The following SYTL2 variants were observed in gnomAD, a reference collection of about 807,000 sequenced individuals.
The protein encoded by SYTL2 is synaptotagmin-like protein 2.
SYTL2 carries 165 observed loss-of-function variants against 198.7 expected under a neutral mutation model. That is an observed-to-expected ratio of 0.83 (90% CI 0.73 to 0.94). The LOEUF is 0.94. SYTL2 is among the 40% of genes least tolerant of loss of function. The pLI is 0.00. For missense variants in SYTL2, 2,835 were observed against 2,582.8 expected (o/e 1.10, Z -2.12); for synonymous variants, 966 against 917.7 (o/e 1.05, Z -0.95).
intron 1 of SYTL2, among the ~76,000 whole-genome samples, chr11:85,801,770 C>T (rs2092890669): frequency 1.3e-5 from 2 of 152,160 alleles, no homozygotes; most frequent in South Asian, 4.2e-4. Context: ...AGCAGCGCCA[C>T]CAACCATAAT....
intron 9 of SYTL2, chr11:85,719,320 G>C (rs774552208): frequency 4.8e-4 from 549 of 1,155,574 alleles, no homozygotes; most frequent in South Asian, 1.1e-3. Flanking sequence ...GCTGCTAAGT[G>C]GAATCTTGGC....
At chr11:85,750,606 A>G (rs2091453827) in intron 2 of SYTL2, among the ~76,000 whole-genome samples, 1 of 152,110 alleles carries the variant, frequency 6.6e-6, no homozygotes, top group Non-Finnish European at 1.5e-5. Flanking sequence ...CTATGTCTTA[A>G]CCACCTTTGT....
At chr11:85,776,692 T>C (rs1310493476) in intron 1 of SYTL2, among the ~76,000 whole-genome samples, 2 of 152,232 alleles carry the variant, frequency 1.3e-5, no homozygotes, top group Non-Finnish European at 2.9e-5. Flanking sequence ...CTATTGTGAA[T>C]AGTGATGCAA....
intron 1 of SYTL2, among the ~76,000 whole-genome samples, chr11:85,759,063 G>A (rs1217504379): frequency 3.9e-5 from 6 of 152,114 alleles, no homozygotes; most frequent in Non-Finnish European, 4.4e-5. Context: ...TGACCAACAT[G>A]GTGAAACCCC....
chr11:85,785,235 G>A (rs2092618341), intron 1 of SYTL2, among the ~76,000 whole-genome samples: 2 of 152,098 alleles, frequency 1.3e-5, no homozygotes, highest in Non-Finnish European at 2.9e-5. Context: ...CAGGATAAAG[G>A]TTTTTGTAAT....
the SYTL2 span, among the ~76,000 whole-genome samples, chr11:85,830,017 C>G: frequency 6.6e-6 from 1 of 152,164 alleles, no homozygotes; most frequent in South Asian, 2.1e-4. Context: ...AGACCAGAAA[C>G]CAAACAGTTC....
At chr11:85,787,685 G>A (rs978434870) in intron 1 of SYTL2, among the ~76,000 whole-genome samples, 1 of 96,232 alleles carries the variant, frequency 1.0e-5, no homozygotes, top group African/African-American at 3.5e-5. Context: ...TCTTTTTTCT[G>A]TTTTTTTTTC....
intron 1 of SYTL2, among the ~76,000 whole-genome samples, chr11:85,785,730 G>A (rs2092625991): frequency 6.6e-6 from 1 of 152,132 alleles, no homozygotes; most frequent in South Asian, 2.1e-4. Context: ...CTCCAAAGAA[G>A]CTACATATTA....
At chr11:85,779,215 A>T (rs1290953490) in intron 1 of SYTL2, among the ~76,000 whole-genome samples, 1 of 152,158 alleles carries the variant, frequency 6.6e-6, no homozygotes, top group Non-Finnish European at 1.5e-5. Flanking sequence ...CCTCATCCCC[A>T]GGTAGTAAAA....
At chr11:85,710,309 T>C (rs992125146) in intron 13 of SYTL2, among the ~76,000 whole-genome samples, 1 of 152,218 alleles carries the variant, frequency 6.6e-6, no homozygotes, top group Non-Finnish European at 1.5e-5. Flanking sequence ...AAATGGATGA[T>C]TGATGAAGGG....
the SYTL2 span, among the ~76,000 whole-genome samples, chr11:85,848,506 T>TC: frequency 6.6e-6 from 1 of 152,130 alleles, no homozygotes; most frequent in African/African-American, 2.4e-5. Context: ...ATTTTTTTTT[T>TC]CCAAATAGAT....
At chr11:85,778,234 T>A (rs1365590217) in intron 1 of SYTL2, among the ~76,000 whole-genome samples, 1 of 152,198 alleles carries the variant, frequency 6.6e-6, no homozygotes, top group African/African-American at 2.4e-5. Flanking sequence ...GTGTAATTCA[T>A]ACAATGTAGG....
rs1376390921 is a variant in SYTL2, at chr11:85,696,219, G to A, written c.6538C>T (p.Gln2180Ter). The change falls in exon 19 of 20, where the codon CAA becomes TAA. Residue 2180 changes from glutamine to a stop codon, truncating the protein, a stop_gained. Transcript: ENST00000359152. LOFTEE classifies it high-confidence loss of function. Reference protein sequence around the residue: ...TVWDHYKLTNQFLGGLRIGFG... With the variant: ...TVWDHYKLTN ...CCAATACGAAGACCTCCCAAAAATTGGTTGGTTAATTTGTAATGGTCCCAG... is the reference window on the plus strand; with the variant it reads ...CCAATACGAAGACCTCCCAAAAATTAGTTGGTTAATTTGTAATGGTCCCAG... 5.0e-6 allele frequency: 8 copies of A among 1,613,930 alleles called. No homozygotes were observed. The highest frequency in any genetic ancestry group is 5.9e-6 in the Non-Finnish European group (7 of 1,180,002).
At chr11:85,801,114 T>C (rs2374683) in intron 1 of SYTL2, among the ~76,000 whole-genome samples, 68,054 of 152,074 alleles carry the variant, frequency 0.45, 15,951 homozygotes, top group African/African-American at 0.58. Flanking sequence ...GATAGTTTTG[T>C]AGTCTGAGCC....
intron 8 of SYTL2, among the ~76,000 whole-genome samples, chr11:85,723,442 G>A (rs927762063): frequency 3.9e-5 from 6 of 152,176 alleles, no homozygotes; most frequent in African/African-American, 1.4e-4. Context: ...GGAAAGTTCC[G>A]GCCTTGTATT....
chr11:85,831,989 C>T, the SYTL2 span, among the ~76,000 whole-genome samples: 1 of 149,960 alleles, frequency 6.7e-6, no homozygotes, highest in Non-Finnish European at 1.5e-5. Context: ...TTTTAAATGA[C>T]AATTTCTGGA....
intron 12 of SYTL2, among the ~76,000 whole-genome samples, chr11:85,714,020 G>A (rs535225333): frequency 8.3e-4 from 126 of 152,314 alleles, no homozygotes; most frequent in African/African-American, 2.9e-3. Flanking sequence ...AGCTTGATGT[G>A]TCATTGTTAC....
At chr11:85,786,901 C>T (rs1038534834) in intron 1 of SYTL2, among the ~76,000 whole-genome samples, 5 of 152,226 alleles carry the variant, frequency 3.3e-5, no homozygotes, top group African/African-American at 9.7e-5. Context: ...GATACCCTCT[C>T]AGTGCCTAGC....
chr11:85,697,469 T>C (rs1244205011), intron 18 of SYTL2, among the ~76,000 whole-genome samples: 1 of 152,238 alleles, frequency 6.6e-6, no homozygotes, highest in Non-Finnish European at 1.5e-5. Flanking sequence ...CCAGTCACTT[T>C]ATATGTATAA....
Sources: gnomAD v4.1 joint callset for allele counts (sites outside exome capture counted in the v4.1 genomes callset) on GRCh38, gnomAD v4.1.1 for gene constraint, MANE v1.5 for transcripts, NCBI Gene and HGNC (gene_info 2026-07-23, HGNC 2026-07-21) for gene names.